Variants in AK5 observed in about 807,000 individuals in gnomAD.
AK5 encodes the protein adenylate kinase 5.
A neutral mutation model predicts 69.5 loss-of-function variants in AK5; 27 were observed. The ratio of observed to expected loss-of-function variants is 0.39; its 90% CI spans 0.29 to 0.54. AK5 has a LOEUF of 0.54. Ranked by LOEUF, AK5 falls within the 20% of genes least tolerant of loss-of-function variation. The pLI is 0.71. For synonymous variants in AK5, 260 were observed against 244.4 expected (o/e 1.06, Z -0.60); for missense variants, 531 against 700.4 (o/e 0.76, Z 2.73).
chr1:77,305,419 G>GT (rs2100272493), intron 5 of AK5, among the ~76,000 whole-genome samples: 1 of 152,280 alleles, frequency 6.6e-6, no homozygotes, highest in South Asian at 2.1e-4. Context: ...CCAGACCAAT[G>GT]TCCTGGAGAT....
intron 13 of AK5, among the ~76,000 whole-genome samples, chr1:77,556,146 A>G (rs958775921): frequency 1.4e-4 from 21 of 152,352 alleles, no homozygotes; most frequent in Admixed American, 1.0e-3. Context: ...AGTAGTATGT[A>G]GAGTTTGAGG....
intron 8 of AK5, among the ~76,000 whole-genome samples, chr1:77,453,154 T>C (rs540732283): frequency 6.6e-6 from 1 of 152,342 alleles, no homozygotes; most frequent in African/African-American, 2.4e-5. Context: ...GAATTCAGTG[T>C]TTGTCAATCC....
chr1:77,521,115 G>GA lies in AK5; in HGVS notation c.1312-705dup, dbSNP rs139786699. 2.7e-5 allele frequency among the ~76,000 whole-genome samples: 4 copies of GA among 150,674 alleles called. No individual in the cohort carries two copies. In the South Asian group the frequency reaches 6.3e-4, roughly 24 times the overall value. ...GTCAAATTTTATAAAATATTTACTG[G>GA]AAAAAAAGTTAACAGTAAGATACCT... On this transcript the variant is annotated intron_variant, in intron 11 of 13. Coordinates refer to ENST00000354567, the MANE Select transcript of AK5 (RefSeq NM_174858.3).
chr1:77,432,688 G>T (rs777574734), intron 8 of AK5, among the ~76,000 whole-genome samples: 1 of 152,112 alleles, frequency 6.6e-6, no homozygotes, highest in Non-Finnish European at 1.5e-5. Flanking sequence ...GTGGATATGG[G>T]CCTCAACTTC....
At chr1:77,391,430 T>C (rs373844995) in intron 6 of AK5, among the ~76,000 whole-genome samples, 4,101 of 124,778 alleles carry the variant, frequency 0.033, 119 homozygotes, top group Middle Eastern at 0.063. Context: ...TGTATATATA[T>C]ACATATATAC....
intron 8 of AK5, among the ~76,000 whole-genome samples, chr1:77,458,704 A>AC (rs1653648803): frequency 6.6e-6 from 1 of 152,046 alleles, no homozygotes; most frequent in Admixed American, 6.6e-5. Context: ...GGGAAGACCC[A>AC]CCCCCAGGAT....
chr1:77,404,323 C>G (rs75540220), intron 6 of AK5, among the ~76,000 whole-genome samples: 13,185 of 152,048 alleles, frequency 0.087, 746 homozygotes, highest in South Asian at 0.17. Context: ...AGCCCCCTGA[C>G]CCCCTGCAAG....
chr1:77,337,220 A>AT (rs1301450444), intron 5 of AK5, among the ~76,000 whole-genome samples: 1 of 152,222 alleles, frequency 6.6e-6, no homozygotes, highest in Non-Finnish European at 1.5e-5. Context: ...GTAAAAGACA[A>AT]AATATAGTGA....
intron 8 of AK5, among the ~76,000 whole-genome samples, chr1:77,466,100 T>A (rs2100685864): frequency 6.6e-6 from 1 of 152,292 alleles, no homozygotes; most frequent in East Asian, 1.9e-4. Context: ...GCTGGAGTCC[T>A]CTGTGCAGCG....
intron 6 of AK5, among the ~76,000 whole-genome samples, chr1:77,402,127 A>G (rs1348743816): frequency 1.3e-5 from 2 of 152,302 alleles, no homozygotes; most frequent in Non-Finnish European, 1.5e-5. Context: ...ATTGTCCTGC[A>G]ATTATATCTC....
chr1:77,291,164 G>A (rs1340843082), intron 2 of AK5, among the ~76,000 whole-genome samples: 1 of 152,190 alleles, frequency 6.6e-6, no homozygotes, highest in Admixed American at 6.5e-5. Context: ...AATATTGCTG[G>A]AGCAGAAAAG....
Position 77,460,132 on chromosome 1 carries a change from C to G in AK5, c.1060-23185C>G, listed in dbSNP as rs1653743830. ...TAAAGGAGTCACTGAGGCATCAAGA[C>G]AAAAATAAAGAGTATTTTAAAACAC... On this transcript the variant is annotated intron_variant, in intron 8 of 13. Coordinates refer to ENST00000354567, the MANE Select transcript of AK5 (RefSeq NM_174858.3). Among the ~76,000 whole-genome samples the G allele has an allele frequency of 2.0e-5, 3 of 152,066 alleles. No individual in the cohort carries two copies. The South Asian group carries it at 6.2e-4, about 32-fold the overall frequency.
At chr1:77,428,849 C>T (rs1159167442) in intron 8 of AK5, among the ~76,000 whole-genome samples, 4 of 151,956 alleles carry the variant, frequency 2.6e-5, no homozygotes, top group African/African-American at 7.2e-5. Context: ...TGAGAACATG[C>T]GGTGTTTGGT....
intron 10 of AK5, among the ~76,000 whole-genome samples, chr1:77,493,153 G>A (rs957385936): frequency 1.3e-5 from 2 of 152,128 alleles, no homozygotes; most frequent in Non-Finnish European, 2.9e-5. Flanking sequence ...ATTTCCAGAA[G>A]AGATTGGCAT....
At chr1:77,463,403 C>G (rs1653954064) in intron 8 of AK5, among the ~76,000 whole-genome samples, 1 of 152,180 alleles carries the variant, frequency 6.6e-6, no homozygotes, top group Non-Finnish European at 1.5e-5. Context: ...ATGTCAGGCA[C>G]TATGCCAGAT....
intron 6 of AK5, among the ~76,000 whole-genome samples, chr1:77,393,839 G>A (rs1047842303): frequency 6.6e-6 from 1 of 152,196 alleles, no homozygotes; most frequent in Admixed American, 6.5e-5. Context: ...CTTCCCTTGA[G>A]TGTGACCTGT....
chr1:77,454,143 C>T (rs563122434), intron 8 of AK5, among the ~76,000 whole-genome samples: 11 of 152,296 alleles, frequency 7.2e-5, no homozygotes, highest in Non-Finnish European at 1.5e-4. Context: ...ACCGGATGGA[C>T]CACAGGACAG....
At chr1:77,498,148 A>G (rs1468382956) in intron 10 of AK5, among the ~76,000 whole-genome samples, 1 of 152,200 alleles carries the variant, frequency 6.6e-6, no homozygotes, top group Non-Finnish European at 1.5e-5. Context: ...AGCAAATGGC[A>G]TCACAGCAGG....
At chr1:77,367,572 TATATATA>T (rs1646981838) in intron 6 of AK5, among the ~76,000 whole-genome samples, 1 of 3,754 alleles carries the variant, frequency 2.7e-4, no homozygotes, top group African/African-American at 3.5e-4. Context: ...TATATATATA[TATATATA>T]ATATATATGT....
Sources: allele counts gnomAD v4.1 joint callset (sites outside exome capture counted in the v4.1 genomes callset), GRCh38; gene constraint gnomAD v4.1.1; transcripts MANE v1.5; gene names NCBI Gene and HGNC (gene_info 2026-07-23, HGNC 2026-07-21).